Variants in NAA30 observed in about 807,000 individuals in gnomAD.
NAA30 encodes N-alpha-acetyltransferase 30, NatC catalytic subunit.
In NAA30, 5 loss-of-function variants were observed where a neutral mutation model predicts 31.4. The observed-to-expected ratio is 0.16, with a 90% CI of 0.08 to 0.33. The LOEUF (loss-of-function observed/expected upper bound fraction) is 0.33, where lower values mean the gene tolerates loss of function less well. NAA30 is among the 10% of genes least tolerant of loss of function. The probability of loss-of-function intolerance (pLI) is 1.00; values close to 1 mark genes in which losing one functional copy is unlikely to be tolerated. For missense variants in NAA30, 428 were observed against 490.8 expected, an observed-to-expected ratio of 0.87 and a Z score of 1.21; for synonymous variants, 222 against 207.1, an observed-to-expected ratio of 1.07 and a Z score of -0.62.
chr14:57,410,335 A>G lies in NAA30; in HGVS notation c.*819A>G, dbSNP rs2066517599. 2.0e-5 allele frequency: 3 copies of G among 152,580 alleles called. No homozygotes were observed. In the South Asian group the frequency reaches 6.2e-4, roughly 32 times the overall value. The allele number at this position is 152,580 out of a possible 1,614,324, so 9.5% of individuals were successfully genotyped here. A position where few individuals can be genotyped will look rare whatever the true frequency, so the allele number is the denominator to read the frequency against. On this transcript the variant is annotated 3_prime_UTR_variant, in exon 5 of 5. Coordinates refer to ENST00000556492, the MANE Select transcript of NAA30 (RefSeq NM_001011713.3). Reference sequence around the variant, plus strand: ...ACTTGGAAAATTGAGAAATGGCTCAAAAGAGATAAGAAAAGTTGATGGAGC... The same window carrying G: ...ACTTGGAAAATTGAGAAATGGCTCAGAAGAGATAAGAAAAGTTGATGGAGC...
rs985276609 is a variant in NAA30, at chr14:57,412,020, A to G, written c.*2504A>G. 1.2e-4 allele frequency: 18 copies of G among 152,138 alleles called. No homozygotes were observed. The highest frequency in any genetic ancestry group is 3.4e-4 in the African/African-American group (14 of 41,448). 9.4% of individuals were successfully genotyped at this position (152,138 alleles called of 1,614,324 possible). ...TACTATCCACTGACACTGGTTTGGC[A>G]GTTGGTACTGCTGAACATTTTTATA... On this transcript the variant is annotated 3_prime_UTR_variant, in exon 5 of 5. Coordinates refer to ENST00000556492, the MANE Select transcript of NAA30 (RefSeq NM_001011713.3).
chr14:57,397,146 A>T (rs2066454145), intron 3 of NAA30, among the ~76,000 whole-genome samples: 1 of 152,138 alleles, frequency 6.6e-6, no homozygotes, highest in Non-Finnish European at 1.5e-5. Flanking sequence ...ATCACATTCA[A>T]AATGCTTTGC....
intron 4 of NAA30, among the ~76,000 whole-genome samples, chr14:57,401,317 G>A (rs908748767): frequency 1.3e-5 from 2 of 152,170 alleles, no homozygotes; most frequent in African/African-American, 2.4e-5. Context: ...GACATAGTGG[G>A]TGGCACAGTG....
rs199745313 is a variant in NAA30 at position 57,392,409 on chromosome 14, A to AT, written c.771+694dup. Among the ~76,000 whole-genome samples the AT allele has an allele frequency of 2.9e-3, 432 of 146,876 alleles. 1 individual carries two copies. Among genetic ancestry groups the AT allele is most frequent in the Admixed American group, 6.0e-3 (89 of 14,770 alleles). ...CTTGTGTGAAATTGTTACCGATCTG[A>AT]TTTTTTTTTTTTTAATTTAAGAAAC... On this transcript the variant is annotated intron_variant, in intron 2 of 4. Coordinates refer to ENST00000556492, the MANE Select transcript of NAA30 (RefSeq NM_001011713.3).
Position 57,414,874 on chromosome 14 carries a change from T to C in NAA30, c.*5358T>C, listed in dbSNP as rs1278340260. ...TTGGGGATTAAGTCAGTGTTTAATC[T>C]CAATATGAAACAGACCTAGAAATAA... On this transcript the variant is annotated 3_prime_UTR_variant, in exon 5 of 5. Coordinates refer to ENST00000556492, the MANE Select transcript of NAA30 (RefSeq NM_001011713.3). 1 of 152,188 alleles carries C rather than the reference T, an allele frequency of 6.6e-6. No homozygotes were observed. The highest frequency in any genetic ancestry group is 1.5e-5 in the Non-Finnish European group (1 of 68,034). The allele number at this position is 152,188 out of a possible 1,614,324, so 9.4% of individuals were successfully genotyped here.
Position 57,399,461 on chromosome 14 carries a change from C to G in NAA30, c.896-367C>G, listed in dbSNP as rs535067449. ...ATCAGCTTGGGTTATGCAGTAAGTT[C>G]TGGCCAACTCACGGGGAGTTCCTGC... On this transcript the variant is annotated intron_variant, in intron 3 of 4. Coordinates refer to ENST00000556492, the MANE Select transcript of NAA30 (RefSeq NM_001011713.3). 3.3e-5 allele frequency among the ~76,000 whole-genome samples: 5 copies of G among 152,312 alleles called. No homozygotes were observed. In the South Asian group the frequency reaches 1.0e-3, roughly 32 times the overall value.
At chr14:57,406,275 G>T (rs2066497851) in intron 4 of NAA30, among the ~76,000 whole-genome samples, 1 of 152,150 alleles carries the variant, frequency 6.6e-6, no homozygotes, top group South Asian at 2.1e-4. Flanking sequence ...CACACTTTAA[G>T]TGTGTATTTG....
Position 57,391,197 on chromosome 14 carries a change from G to T in NAA30, c.240G>T (p.Glu80Asp). 6.2e-7 allele frequency: 1 copy of T among 1,611,504 alleles called. No homozygotes were observed. Residue 80 changes from glutamate to aspartate, a missense_variant, in exon 2 of 5, where the codon GAG becomes GAT. Glu to Asp is a conservative substitution (Grantham distance 45). Around this residue, in one of 2 missense-constraint regions of NAA30, gnomAD observed 349 missense variants for 310.4 expected, o/e 1.12. Transcript: ENST00000556492. The surrounding 1 kb of genome is among the most constrained non-coding windows in gnomAD (Gnocchi z 4.1). ...TCCGCTGCCCTCAGCCGCCGCAGGA[G>T]CAGCAGCAGCTCAACGGATTGATTA... ...PCLRCPQPPQ[E>D]QQQLNGLISP...
At chr14:57,396,681 T>G (rs954722595) in intron 2 of NAA30, 71 bp from the exon 3 acceptor site, 25 of 1,535,298 alleles carry the variant, frequency 1.6e-5, no homozygotes, top group East Asian at 2.3e-5. Context: ...TGGTTGGTTG[T>G]TGTTTTCTCT....
intron 2 of NAA30, among the ~76,000 whole-genome samples, chr14:57,395,785 T>G (rs918161776): frequency 1.1e-4 from 17 of 152,260 alleles, no homozygotes; most frequent in African/African-American, 4.1e-4. Flanking sequence ...ATCAGGAGTA[T>G]CCTAAAAATG....
At position 57,399,966 on chromosome 14, in the gene NAA30, G is replaced by A. The variant is rs969307511; in HGVS notation, c.951+83G>A. The A allele has an allele frequency of 4.2e-6, 3 of 721,138 alleles. No individual in the cohort carries two copies. The African/African-American group carries it at 5.4e-5, about 13-fold the overall frequency. The allele number at this position is 721,138 out of a possible 1,614,324, so 44.7% of individuals were successfully genotyped here. A position where few individuals can be genotyped will look rare whatever the true frequency, so the allele number is the denominator to read the frequency against. On this transcript the variant is annotated intron_variant, in intron 4 of 4. Coordinates refer to ENST00000556492, the MANE Select transcript of NAA30 (RefSeq NM_001011713.3). ...TTTAATAAATATTTTATAATTTATT[G>A]CAGATTTCATTGCAGTGTTACTATA...
At chr14:57,395,823 CA>C (rs1207842327) in intron 2 of NAA30, among the ~76,000 whole-genome samples, 1 of 152,228 alleles carries the variant, frequency 6.6e-6, no homozygotes, top group South Asian at 2.1e-4. Context: ...CATATATTAA[CA>C]AAAACCTCTT....
In NAA30 at chr14:57,391,303, GCCACCC is replaced by G. The variant is rs1282482977; in HGVS notation, c.348_353del (p.Thr117_Pro118del). 4 of 1,610,896 alleles carry G rather than the reference GCCACCC, an allele frequency of 2.5e-6. No homozygotes were observed. The highest frequency in any genetic ancestry group is 3.4e-6 in the Non-Finnish European group (4 of 1,179,030). On this transcript the variant is annotated inframe_deletion, in exon 2 of 5. Transcript: ENST00000556492. The surrounding 1 kb of genome is among the most constrained non-coding windows in gnomAD (Gnocchi z 4.1). Reference sequence around the variant, plus strand: ...CGTAGCAGAGGTGGCCGCGACCACAGCCACCCCTGACGGAGGCCCCAGAGCGACTGC... The same window carrying G: ...CGTAGCAGAGGTGGCCGCGACCACAGCTGACGGAGGCCCCAGAGCGACTGC...
At chr14:57,408,351 T>TA (rs892006083) in intron 4 of NAA30, among the ~76,000 whole-genome samples, 12 of 152,098 alleles carry the variant, frequency 7.9e-5, no homozygotes, top group East Asian at 1.9e-4. Context: ...GAAGATGGGG[T>TA]AGAGGGTGTT....
intron 4 of NAA30, among the ~76,000 whole-genome samples, chr14:57,404,977 G>A (rs865903378): frequency 5.9e-5 from 9 of 151,900 alleles, no homozygotes; most frequent in East Asian, 1.9e-4. Flanking sequence ...TTTTTGTTGC[G>A]TACATTTATT....
chr14:57,400,990 G>C (rs550835179), intron 4 of NAA30, among the ~76,000 whole-genome samples: 15 of 151,750 alleles, frequency 9.9e-5, no homozygotes, highest in African/African-American at 3.4e-4. Flanking sequence ...TTCCACCTCA[G>C]CCTCTCAAGT....
chr14:57,396,220 C>G (rs1383413406), intron 2 of NAA30, among the ~76,000 whole-genome samples: 2 of 152,196 alleles, frequency 1.3e-5, no homozygotes. Flanking sequence ...AGCAATCTGC[C>G]TGCGCCTGCC....
chr14:57,394,039 C>T (rs562198461), intron 2 of NAA30, among the ~76,000 whole-genome samples: 1 of 151,138 alleles, frequency 6.6e-6, no homozygotes, highest in Non-Finnish European at 1.5e-5. Context: ...GGGGTTGAAC[C>T]TTACAAAATT....
intron 4 of NAA30, among the ~76,000 whole-genome samples, chr14:57,405,408 A>AT (rs2066494253): frequency 3.1e-5 from 3 of 96,096 alleles, no homozygotes; most frequent in African/African-American, 8.5e-5. Flanking sequence ...GTATTTACTA[A>AT]TAATATATAT....
Sources: gnomAD v4.1 joint callset for allele counts (sites outside exome capture counted in the v4.1 genomes callset) on GRCh38, gnomAD v4.1.1 for gene constraint, gnomAD v4.1.1 regional missense constraint, Gnocchi (gnomAD v3.1) non-coding constraint, MANE v1.5 for transcripts, NCBI Gene and HGNC (gene_info 2026-07-23, HGNC 2026-07-21) for gene names.